RBMS3: variants seen among roughly 807,000 people sequenced by gnomAD.
RBMS3 encodes the protein RNA binding motif single stranded interacting protein 3, also known as RNA-binding motif, single-stranded-interacting protein 3.
In RBMS3, 27 loss-of-function variants were observed where a neutral mutation model predicts 66.8. The ratio of observed to expected loss-of-function variants is 0.40; its 90% CI spans 0.30 to 0.56. The LOEUF (loss-of-function observed/expected upper bound fraction) is 0.56. Among genes scored for constraint, RBMS3 ranks in the 20% least tolerant of loss-of-function variants. The pLI is 0.40. For synonymous variants in RBMS3, 188 were observed against 183.0 expected, an observed-to-expected ratio of 1.03 and a Z score of -0.22; for missense variants, 513 against 549.5, an observed-to-expected ratio of 0.93 and a Z score of 0.66.
At chr3:29,979,800 G>T in intron 12 of RBMS3, among the ~76,000 whole-genome samples, 1 of 152,200 alleles carries the variant, frequency 6.6e-6, no homozygotes, top group East Asian at 1.9e-4. Context: ...ATTCCATGGT[G>T]TATATGTGCC....
intron 11 of RBMS3, among the ~76,000 whole-genome samples, chr3:29,942,562 A>G (rs1325568262): frequency 6.6e-6 from 1 of 151,704 alleles, no homozygotes; most frequent in Non-Finnish European, 1.5e-5. Context: ...AAGGAAGGAA[A>G]GATGTAAATT....
At chr3:29,815,851 T>G (rs2057874703) in intron 6 of RBMS3, among the ~76,000 whole-genome samples, 1 of 151,830 alleles carries the variant, frequency 6.6e-6, no homozygotes, top group Non-Finnish European at 1.5e-5. Context: ...ACTGCTTGGG[T>G]GATGGGTGCA....
Position 29,774,640 on chromosome 3 carries a change from A to AT in RBMS3, c.637+11656dup, listed in dbSNP as rs1484294522. Among the ~76,000 whole-genome samples the AT allele has an allele frequency of 4.6e-5, 7 of 152,122 alleles. No individual in the cohort carries two copies. In the East Asian group the frequency reaches 1.4e-3, roughly 29 times the overall value. The stretch of plus-strand genomic sequence containing the variant: ...TCTGGTGGTCTACAAGGTCAAAAAT[A>AT]TTTTTATCATAATACGAATTCATTA... On this transcript the variant is annotated intron_variant, in intron 6 of 14. Coordinates refer to ENST00000383767, the MANE Select transcript of RBMS3 (RefSeq NM_001003793.3).
At position 29,954,172 on chromosome 3, in the gene RBMS3, C is replaced by T. The variant is rs372318903; in HGVS notation, c.1098+9918C>T. Among the ~76,000 whole-genome samples the T allele has an allele frequency of 5.9e-5, 9 of 151,776 alleles. No individual in the cohort carries two copies. The East Asian group carries it at 1.6e-3, about 26-fold the overall frequency. ...GCTGGTCTTATGACACCTTGCTTTT[C>T]TTCATTTTTTTCTCAGTGGCATCAT... On this transcript the variant is annotated intron_variant, in intron 12 of 14. Transcript: ENST00000383767.
chr3:29,389,288 A>G (rs897593773), intron 1 of RBMS3, among the ~76,000 whole-genome samples: 1 of 152,162 alleles, frequency 6.6e-6, no homozygotes, highest in Non-Finnish European at 1.5e-5. Context: ...TTGCTGTAAC[A>G]GTGATCTCAA....
chr3:29,641,587 T>G (rs2049715490), intron 4 of RBMS3, among the ~76,000 whole-genome samples: 1 of 152,138 alleles, frequency 6.6e-6, no homozygotes, highest in South Asian at 2.1e-4. Context: ...TACATTCACT[T>G]TAAAAAGAAA....
intron 4 of RBMS3, among the ~76,000 whole-genome samples, chr3:29,660,043 C>T (rs2050476065): frequency 6.6e-6 from 1 of 152,032 alleles, no homozygotes; most frequent in Admixed American, 6.6e-5. Flanking sequence ...AGACTTTCAC[C>T]TCCTTGGTTA....
chr3:29,643,062 T>C (rs2049785228), intron 4 of RBMS3, among the ~76,000 whole-genome samples: 1 of 152,140 alleles, frequency 6.6e-6, no homozygotes, highest in Non-Finnish European at 1.5e-5. Context: ...CCATTGAACA[T>C]TGTTCATGTT....
At chr3:29,441,221 G>A (rs17023487) in intron 2 of RBMS3, among the ~76,000 whole-genome samples, 17,618 of 152,106 alleles carry the variant, frequency 0.12, 1,284 homozygotes, top group Admixed American at 0.19. Flanking sequence ...AAAACACGAT[G>A]TTGGAATTCC....
At chr3:29,810,272 T>G (rs2057692927) in intron 6 of RBMS3, among the ~76,000 whole-genome samples, 1 of 152,124 alleles carries the variant, frequency 6.6e-6, no homozygotes, top group South Asian at 2.1e-4. Context: ...AACAACATTC[T>G]CTACATCTCC....
At chr3:29,333,338 TTA>T (rs1194806325) in intron 1 of RBMS3, among the ~76,000 whole-genome samples, 1 of 152,130 alleles carries the variant, frequency 6.6e-6, no homozygotes, top group Non-Finnish European at 1.5e-5. Flanking sequence ...TCTCAAGGGT[TTA>T]TGCCCAATTA....
intron 6 of RBMS3, among the ~76,000 whole-genome samples, chr3:29,849,744 C>G (rs759110083): frequency 6.6e-6 from 1 of 152,130 alleles, no homozygotes; most frequent in African/African-American, 2.4e-5. Flanking sequence ...ATTTTAACAG[C>G]AAGAAGCATT....
chr3:29,466,165 A>G (rs574074825), intron 2 of RBMS3, among the ~76,000 whole-genome samples: 3 of 152,134 alleles, frequency 2.0e-5, no homozygotes, highest in Admixed American at 2.0e-4. Context: ...TTTCTGATAC[A>G]GTGATTATAG....
Position 29,661,009 on chromosome 3 carries a change from T to C in RBMS3, c.399+73804T>C, listed in dbSNP as rs1277945935. On this transcript the variant is annotated intron_variant, in intron 4 of 14. Transcript: ENST00000383767. ...ACCCAGTATTTGGAGTACGTGATCCTTTTTGCCCACTCTGACTCTTACTAG... is the reference window on the plus strand; with the variant it reads ...ACCCAGTATTTGGAGTACGTGATCCCTTTTGCCCACTCTGACTCTTACTAG... Among the ~76,000 whole-genome samples, 3 of 152,318 alleles carry C rather than the reference T, an allele frequency of 2.0e-5. No homozygotes were observed. In the East Asian group the frequency reaches 5.8e-4, roughly 29 times the overall value.
intron 6 of RBMS3, among the ~76,000 whole-genome samples, chr3:29,810,959 T>A (rs1448057419): frequency 6.6e-6 from 1 of 152,154 alleles, no homozygotes; most frequent in East Asian, 1.9e-4. Context: ...CCCAAACTCA[T>A]TTCTTTGGTA....
intron 3 of RBMS3, among the ~76,000 whole-genome samples, chr3:29,558,129 C>G (rs1349530083): frequency 6.6e-6 from 1 of 152,100 alleles, no homozygotes; most frequent in Non-Finnish European, 1.5e-5. Flanking sequence ...AAAATTAAAA[C>G]CATTTTCATG....
At chr3:29,747,351 CATCT>C (rs201267769) in intron 5 of RBMS3, among the ~76,000 whole-genome samples, 4,057 of 150,972 alleles carry the variant, frequency 0.027, 73 homozygotes, top group Non-Finnish European at 0.039. Context: ...CTTTTCCTGA[CATCT>C]ATCTATCTAT....
chr3:29,834,740 G>A (rs1017238434), intron 6 of RBMS3, among the ~76,000 whole-genome samples: 9 of 151,828 alleles, frequency 5.9e-5, no homozygotes, highest in African/African-American at 1.5e-4. Flanking sequence ...TCTACAAAAC[G>A]GACAGAAAAC....
At chr3:30,000,521 C>T (rs1699547568) in intron 14 of RBMS3, among the ~76,000 whole-genome samples, 1 of 152,108 alleles carries the variant, frequency 6.6e-6, no homozygotes, top group Admixed American at 6.5e-5. Flanking sequence ...CCATTTGACC[C>T]AGCAATCCCA....
Sources: allele counts gnomAD v4.1 joint callset (sites outside exome capture counted in the v4.1 genomes callset), GRCh38; gene constraint gnomAD v4.1.1; transcripts MANE v1.5; gene names NCBI Gene and HGNC (gene_info 2026-07-23, HGNC 2026-07-21).